HMCN1: variants seen among roughly 807,000 people sequenced by gnomAD.
The protein encoded by HMCN1 is hemicentin-1.
HMCN1 carries 321 observed loss-of-function variants against 625.9 expected under a neutral mutation model. The ratio of observed to expected loss-of-function variants is 0.51; its 90% CI spans 0.47 to 0.56. The LOEUF (loss-of-function observed/expected upper bound fraction) is 0.56. Ranked by LOEUF, HMCN1 falls within the 20% of genes least tolerant of loss-of-function variation. HMCN1 has a pLI of 0.00. For synonymous variants in HMCN1, 2,425 were observed against 2,417.6 expected (o/e 1.00, Z -0.09); for missense variants, 6,588 against 6,887.3 (o/e 0.96, Z 1.54).
At chr1:185,948,033 G>A (rs1246213964) in intron 11 of HMCN1, among the ~76,000 whole-genome samples, 7 of 152,166 alleles carry the variant, frequency 4.6e-5, no homozygotes, top group Admixed American at 2.0e-4. Context: ...GTTAGGATGG[G>A]ATATAGCTAC....
chr1:186,177,454 G>A (rs983734937), intron 103 of HMCN1, among the ~76,000 whole-genome samples: 1 of 152,114 alleles, frequency 6.6e-6, no homozygotes, highest in Non-Finnish European at 1.5e-5. Context: ...TTGGAGCAAA[G>A]GTAGGCAGAG....
rs865790846 is a variant in HMCN1, at chr1:186,065,279, C to T, written c.7555C>T (p.Pro2519Ser). Residue 2519 changes from proline (P) to serine (S), a missense_variant, in exon 49 of 107, where the codon CCC becomes TCC. Pro to Ser is a moderately conservative substitution (Grantham distance 74, BLOSUM62 -1). Transcript: ENST00000271588. ...PEITWHKDGQ[P>S]LQEDEAHHII... ...AATTACATGGCACAAAGATGGGCAG[C>T]CCCTCCAAGAAGATGAAGCCCATCA... is the stretch of plus-strand genomic sequence containing the variant. 3 of 1,612,350 alleles carry T rather than the reference C, an allele frequency of 1.9e-6. No individual in the cohort carries two copies. In the African/African-American group the frequency reaches 4.0e-5, roughly 22 times the overall value.
chr1:185,910,859 G>T (rs553598183), intron 5 of HMCN1, among the ~76,000 whole-genome samples: 2 of 152,106 alleles, frequency 1.3e-5, no homozygotes, highest in Non-Finnish European at 2.9e-5. Flanking sequence ...GTGAGCCACC[G>T]TGCCTGGCCT....
At chr1:186,069,585 C>T (rs61831262) in intron 50 of HMCN1, 78 bp from the exon 51 acceptor site, 178 of 853,608 alleles carry the variant, frequency 2.1e-4, no homozygotes, top group African/African-American at 1.4e-3. Context: ...AACAAGAAGA[C>T]GTAAACCCCT....
At chr1:186,089,555 C>T (rs1189774615) in intron 63 of HMCN1, among the ~76,000 whole-genome samples, 1 of 151,812 alleles carries the variant, frequency 6.6e-6, no homozygotes, top group Non-Finnish European at 1.5e-5. Flanking sequence ...ATTTCAGAAG[C>T]TGAAGGAAAA....
intron 4 of HMCN1, among the ~76,000 whole-genome samples, chr1:185,894,663 G>A (rs1455113532): frequency 6.6e-6 from 1 of 152,040 alleles, no homozygotes; most frequent in Non-Finnish European, 1.5e-5. Context: ...GGTGTTTTCT[G>A]TCTTTTTCAT....
intron 11 of HMCN1, among the ~76,000 whole-genome samples, chr1:185,949,403 G>C: frequency 6.6e-6 from 1 of 151,980 alleles, no homozygotes; most frequent in East Asian, 1.9e-4. Context: ...GTACCCTGTA[G>C]CATTCCGAGA....
intron 1 of HMCN1, among the ~76,000 whole-genome samples, chr1:185,801,589 A>T (rs1488709793): frequency 6.6e-6 from 1 of 152,220 alleles, no homozygotes; most frequent in African/African-American, 2.4e-5. Flanking sequence ...GAAAATGTAA[A>T]TGCGACTTAG....
chr1:186,151,436 T>C (rs1650658952), intron 94 of HMCN1, 87 bp downstream of exon 94: 2 of 1,349,880 alleles, frequency 1.5e-6, no homozygotes, highest in Non-Finnish European at 2.1e-6. Context: ...AGAATGCTAC[T>C]ACTAACTCAT....
At chr1:185,990,496 G>C (rs1187697458) in intron 22 of HMCN1, 53 bp downstream of exon 22, 2 of 1,486,746 alleles carry the variant, frequency 1.3e-6, no homozygotes, top group African/African-American at 2.8e-5. Flanking sequence ...AACCTCTTGG[G>C]ACAGATGGCC....
intron 76 of HMCN1, 58 bp downstream of exon 76, chr1:186,117,173 A>G: frequency 6.2e-7 from 1 of 1,602,382 alleles, no homozygotes; most frequent in South Asian, 1.1e-5. Context: ...TCGTTATTCT[A>G]CTACTTTACA....
Position 186,186,111 on chromosome 1 carries a change from G to A in HMCN1, c.16415-1772G>A, listed in dbSNP as rs1367855183. Reference sequence around the variant, plus strand: ...TCAGAGCTTCAGATTTAACTCTCTCGGTTAAGGGAGGATGGCCACTATATA... The same window carrying A: ...TCAGAGCTTCAGATTTAACTCTCTCAGTTAAGGGAGGATGGCCACTATATA... On this transcript the variant is annotated intron_variant, in intron 105 of 106. Transcript: ENST00000271588. 5.3e-5 allele frequency among the ~76,000 whole-genome samples: 8 copies of A among 152,064 alleles called. No homozygotes were observed. The South Asian group carries it at 8.3e-4, about 16-fold the overall frequency.
chr1:186,137,524 G>A lies in HMCN1; in HGVS notation c.13609G>A (p.Ala4537Thr). The change falls in exon 88 of 107, where the codon GCA (alanine) becomes ACA (threonine). Residue 4537 changes from alanine to threonine, a missense_variant. Transcript: ENST00000271588. ...TCATGGTGGATTTTCCCAGTGGTCT[G>A]CATGGAGAGCCTGCAGTGTCACCTG... ...QVHGGFSQWS[A>T]WRACSVTCGK... 6.2e-7 allele frequency: 1 copy of A among 1,613,692 alleles called. No individual in the cohort carries two copies. The highest frequency in any genetic ancestry group is 8.5e-7 in the Non-Finnish European group (1 of 1,179,868).
Position 186,119,237 on chromosome 1 carries a change from C to G in HMCN1, c.11895C>G (p.Tyr3965Ter), listed in dbSNP as rs780038431. 1 of 1,613,920 alleles carries G rather than the reference C, an allele frequency of 6.2e-7. No homozygotes were observed. Among genetic ancestry groups the G allele is most frequent in the East Asian group, 2.2e-5 (1 of 44,874 alleles). ...LATQLNHAGR[Y>*]TCVARNAAGS... ...CCCAATTAAACCATGCTGGAAGATA[C>G]ACTTGTGTCGCTAGGAATGCGGCTG... Residue 3965 changes from tyrosine to a stop codon, truncating the protein, a stop_gained, in exon 78 of 107, where the codon TAC (tyrosine) becomes TAG (stop). Coordinates refer to ENST00000271588, the MANE Select transcript of HMCN1 (RefSeq NM_031935.3). LOFTEE classifies it high-confidence loss of function.
At chr1:185,795,728 G>A (rs1367240241) in intron 1 of HMCN1, among the ~76,000 whole-genome samples, 4 of 152,178 alleles carry the variant, frequency 2.6e-5, no homozygotes, top group Non-Finnish European at 5.9e-5. Flanking sequence ...AAGGTCTTGG[G>A]ATTTCCCTTT....
At chr1:185,881,817 A>G (rs1374648327) in intron 4 of HMCN1, among the ~76,000 whole-genome samples, 1 of 152,250 alleles carries the variant, frequency 6.6e-6, no homozygotes, top group Non-Finnish European at 1.5e-5. Flanking sequence ...AAGTAAGCTC[A>G]GTAGAAATAG....
chr1:186,032,555 G>C (rs973455244), intron 36 of HMCN1, among the ~76,000 whole-genome samples: 2 of 152,056 alleles, frequency 1.3e-5, no homozygotes, highest in African/African-American at 4.8e-5. Flanking sequence ...GCTCTGCACT[G>C]CTCCTTGCTG....
intron 30 of HMCN1, among the ~76,000 whole-genome samples, chr1:186,010,613 A>G (rs1228469016): frequency 1.3e-5 from 2 of 152,216 alleles, no homozygotes; most frequent in African/African-American, 4.8e-5. Context: ...AATTTGAGCC[A>G]AAGTTTGATA....
At chr1:186,029,474 T>C (rs1655276589) in intron 36 of HMCN1, among the ~76,000 whole-genome samples, 1 of 152,120 alleles carries the variant, frequency 6.6e-6, no homozygotes, top group African/African-American at 2.4e-5. Flanking sequence ...CTTTCTAAGA[T>C]TGTTTTTGTT....
Sources: allele counts gnomAD v4.1 joint callset (sites outside exome capture counted in the v4.1 genomes callset), GRCh38; gene constraint gnomAD v4.1.1; transcripts MANE v1.5; gene names NCBI Gene and HGNC (gene_info 2026-07-23, HGNC 2026-07-21).